SOBP: variants seen among roughly 807,000 people sequenced by gnomAD.
SOBP encodes sine oculis binding protein homolog, also known as sine oculis-binding protein homolog.
Under a neutral mutation model 53.6 loss-of-function variants are expected in SOBP, and 4 were observed. That is an observed-to-expected ratio of 0.07 (90% CI 0.04 to 0.17). The LOEUF (loss-of-function observed/expected upper bound fraction) is 0.17. Among genes scored for constraint, SOBP ranks in the 10% least tolerant of loss-of-function variants. SOBP has a pLI of 1.00. For synonymous variants in SOBP, 584 were observed against 522.6 expected (o/e 1.12, Z -1.60); for missense variants, 1,088 against 1,204.7 (o/e 0.90, Z 1.43).
chr6:107,630,306 A>G (rs1160145240), intron 5 of SOBP, among the ~76,000 whole-genome samples: 1 of 152,260 alleles, frequency 6.6e-6, no homozygotes, highest in Admixed American at 6.5e-5. Context: ...AAAGAAGGAA[A>G]GAATAACCCA....
intron 3 of SOBP, chr6:107,509,894 A>G (rs1479026427): frequency 1.3e-5 from 2 of 152,184 alleles, no homozygotes; most frequent in African/African-American, 2.4e-5. Context: ...AGGGAAGGAC[A>G]TGTTTAATTT....
rs754393853 is a variant in SOBP, at chr6:107,506,425, C to G, written c.419C>G (p.Ala140Gly). Residue 140 changes from alanine to glycine, a missense_variant and splice_region_variant, in exon 3 of 7, where the codon GCA (alanine) becomes GGA (glycine). Physicochemically the swap from Ala to Gly is moderately conservative, Grantham distance 60. Around this residue, in one of 6 missense-constraint regions of SOBP, gnomAD observed 112 missense variants for 117.9 expected, o/e 0.95. Coordinates refer to ENST00000317357, the MANE Select transcript of SOBP (RefSeq NM_018013.4). ...LIPPPFIKPPAEDDVSNVQIM... is the reference protein window; with the variant it reads ...LIPPPFIKPPGEDDVSNVQIM... ...CCACCACCTTTCATAAAGCCACCAG[C>G]AGGTAAGTCACTACTGGTGTTTTCA... 4.3e-6 allele frequency: 7 copies of G among 1,613,690 alleles called. No homozygotes were observed. The highest frequency in any genetic ancestry group is 1.1e-5 in the South Asian group (1 of 91,082).
Position 107,635,246 on chromosome 6 carries a change from A to T in SOBP, c.2402A>T (p.Lys801Met). The T allele has an allele frequency of 6.2e-7, 1 of 1,613,888 alleles. No individual in the cohort carries two copies. The highest frequency in any genetic ancestry group is 8.5e-7 in the Non-Finnish European group (1 of 1,179,996). ...GAGGAGGCCCTGGCGGGGGGCGACA[A>T]GTCAGACCCGAACCTTAATAACCCC... The part of the protein sequence containing the change: ...MGEEALAGGD[K>M]SDPNLNNPAD... The change falls in exon 6 of 7, where the codon AAG becomes ATG. Residue 801 changes from lysine to methionine, a missense_variant. By Grantham distance (95) the Lys-to-Met change is moderately conservative. This residue lies in a region of SOBP where 665 missense variants were observed against 629.7 expected (regional missense o/e 1.06). Transcript: ENST00000317357. The surrounding 1 kb of genome is among the most constrained non-coding windows in gnomAD (Gnocchi z 4.5).
chr6:107,565,616 G>A (rs1249188704), intron 4 of SOBP, among the ~76,000 whole-genome samples: 4 of 152,194 alleles, frequency 2.6e-5, no homozygotes, highest in African/African-American at 9.7e-5. Context: ...ATAGGTGTGG[G>A]ATGAATGGGT....
chr6:107,656,997 G>A (rs766810559), intron 6 of SOBP, among the ~76,000 whole-genome samples: 3 of 151,428 alleles, frequency 2.0e-5, no homozygotes, highest in Non-Finnish European at 2.9e-5. Context: ...AAAAGGTGCT[G>A]TTTTGGGGCA....
intron 4 of SOBP, among the ~76,000 whole-genome samples, chr6:107,555,294 G>A (rs184429905): frequency 1.3e-5 from 2 of 152,116 alleles, no homozygotes; most frequent in South Asian, 4.1e-4. Context: ...AGCTTCTGGG[G>A]TGGCATATTA....
chr6:107,498,307 CT>C (rs1782749912), intron 1 of SOBP, among the ~76,000 whole-genome samples: 1 of 152,136 alleles, frequency 6.6e-6, no homozygotes, highest in South Asian at 2.1e-4. Context: ...ATACTTCCTG[CT>C]GTCTTGGGTA....
intron 1 of SOBP, among the ~76,000 whole-genome samples, chr6:107,491,029 C>T (rs1782567422): frequency 6.6e-6 from 1 of 152,160 alleles, no homozygotes; most frequent in East Asian, 1.9e-4. Flanking sequence ...GAGGCTTTCC[C>T]AGTGGACGGT....
At position 107,599,406 on chromosome 6, in the gene SOBP, A is replaced by G. The variant is rs563208708; in HGVS notation, c.669+12231A>G. Among the ~76,000 whole-genome samples, 10 of 152,336 alleles carry G rather than the reference A, an allele frequency of 6.6e-5. No individual in the cohort carries two copies. The South Asian group carries it at 1.9e-3, about 28-fold the overall frequency. ...GTCCGAATCCGTTTTTTAAAAATGA[A>G]CCATCTTATGATATACAGCTTTCGG... is the stretch of plus-strand genomic sequence containing the variant. On this transcript the variant is annotated intron_variant, in intron 5 of 6. Transcript: ENST00000317357.
intron 3 of SOBP, among the ~76,000 whole-genome samples, chr6:107,507,872 T>C (rs1367345282): frequency 1.3e-5 from 2 of 152,188 alleles, no homozygotes; most frequent in Non-Finnish European, 2.9e-5. Flanking sequence ...GAAAATTAGA[T>C]GGCAGTGTAT....
At chr6:107,569,916 T>C (rs1196378770) in intron 4 of SOBP, among the ~76,000 whole-genome samples, 1 of 152,166 alleles carries the variant, frequency 6.6e-6, no homozygotes, top group African/African-American at 2.4e-5. Context: ...ATCTCTCACA[T>C]TGTTTTATGC....
chr6:107,645,767 G>A (rs778040927), intron 6 of SOBP, among the ~76,000 whole-genome samples: 15 of 152,218 alleles, frequency 9.9e-5, no homozygotes, highest in Admixed American at 7.2e-4. Context: ...AGTGCCTTCT[G>A]GTCGATGAAT....
intron 3 of SOBP, among the ~76,000 whole-genome samples, chr6:107,525,195 TGATTACATAG>T (rs1783626971): frequency 6.6e-6 from 1 of 152,064 alleles, no homozygotes; most frequent in Non-Finnish European, 1.5e-5. Flanking sequence ...TTTCTTAGGG[TGATTACATAG>T]GAAAGACAGA....
intron 5 of SOBP, among the ~76,000 whole-genome samples, chr6:107,599,981 G>T (rs1365673556): frequency 6.6e-6 from 1 of 152,184 alleles, no homozygotes; most frequent in African/African-American, 2.4e-5. Flanking sequence ...CTTTGAAATA[G>T]CTGGGTTGCC....
chr6:107,624,408 C>A (rs1470903441), intron 5 of SOBP, among the ~76,000 whole-genome samples: 1 of 152,144 alleles, frequency 6.6e-6, no homozygotes, highest in Non-Finnish European at 1.5e-5. Flanking sequence ...AACTGGGTGC[C>A]AGAACTGGGG....
intron 1 of SOBP, among the ~76,000 whole-genome samples, chr6:107,499,140 G>T (rs1363858812): frequency 6.6e-6 from 1 of 152,148 alleles, no homozygotes; most frequent in African/African-American, 2.4e-5. Flanking sequence ...ATTGGTCCGG[G>T]AGGTAGCTTC....
At chr6:107,611,093 C>T (rs931758860) in intron 5 of SOBP, among the ~76,000 whole-genome samples, 4 of 152,242 alleles carry the variant, frequency 2.6e-5, no homozygotes, top group African/African-American at 4.8e-5. Flanking sequence ...CCATCAGCCT[C>T]CGTTCCTTTA....
intron 5 of SOBP, among the ~76,000 whole-genome samples, chr6:107,589,034 A>G (rs1785661398): frequency 6.6e-6 from 1 of 152,248 alleles, no homozygotes; most frequent in Non-Finnish European, 1.5e-5. Context: ...ATGCTTCTAT[A>G]TGAAAGAGAC....
chr6:107,576,988 C>T (rs919018348), intron 4 of SOBP, among the ~76,000 whole-genome samples: 5 of 152,156 alleles, frequency 3.3e-5, no homozygotes, highest in African/African-American at 9.7e-5. Context: ...AACTAATTCA[C>T]GGACACCATT....
Sources: gnomAD v4.1 joint callset for allele counts (sites outside exome capture counted in the v4.1 genomes callset) on GRCh38, gnomAD v4.1.1 for gene constraint, gnomAD v4.1.1 regional missense constraint, Gnocchi (gnomAD v3.1) non-coding constraint, MANE v1.5 for transcripts, NCBI Gene and HGNC (gene_info 2026-07-23, HGNC 2026-07-21) for gene names.